The following MSR1 variants were observed in gnomAD, a reference collection of about 807,000 sequenced individuals.
MSR1 encodes the protein macrophage scavenger receptor 1.
A neutral mutation model predicts 47.2 loss-of-function variants in MSR1; 53 were observed. The ratio of observed to expected loss-of-function variants is 1.12; its 90% CI spans 0.90 to 1.41. The LOEUF (loss-of-function observed/expected upper bound fraction) is 1.41, where lower values mean the gene tolerates loss of function less well. Among genes scored for constraint, MSR1 ranks in the 40% most tolerant of loss-of-function variants. The probability of loss-of-function intolerance (pLI) is 0.00; values close to 1 mark genes in which losing one functional copy is unlikely to be tolerated. For missense variants in MSR1, 786 were observed against 546.9 expected, an observed-to-expected ratio of 1.44 and a Z score of -4.36; for synonymous variants, 239 against 185.6, an observed-to-expected ratio of 1.29 and a Z score of -2.34.
rs530311856 is a variant in MSR1, at chr8:16,178,115, T to TTA, written c.-4-124_-4-123insTA. The TTA allele has an allele frequency of 1.9e-3, 1,359 of 717,430 alleles. 13 individuals carry two copies. In the African/African-American group the frequency reaches 0.02, roughly 11 times the overall value. The allele number at this position is 717,430 out of a possible 1,614,324, so 44.4% of individuals were successfully genotyped here. On this transcript the variant is annotated intron_variant, in intron 1 of 9. Transcript: ENST00000262101. ...CTATTCAGTTTTTCTTTTTTTTTTT[T>TTA]AATTATACTTTAAGCTCTAGGGTAC...
intron 1 of MSR1, among the ~76,000 whole-genome samples, chr8:16,188,961 CACAT>C (rs1335809533): frequency 1.9e-4 from 14 of 74,654 alleles, no homozygotes; most frequent in Non-Finnish European, 2.3e-4. Context: ...TAATTCAACA[CACAT>C]ACATATATAT....
chr8:16,127,991 G>C (rs532966648), intron 8 of MSR1, among the ~76,000 whole-genome samples: 2 of 152,088 alleles, frequency 1.3e-5, no homozygotes, highest in Non-Finnish European at 2.9e-5. Flanking sequence ...ATTATCTCAT[G>C]AGACAATGTA....
intron 4 of MSR1, among the ~76,000 whole-genome samples, chr8:16,166,393 C>T (rs1449685671): frequency 6.6e-6 from 1 of 151,684 alleles, no homozygotes; most frequent in South Asian, 2.1e-4. Flanking sequence ...GAACTCCTGA[C>T]CTCGTGGTCC....
chr8:16,126,902 T>G (rs189824751), intron 8 of MSR1, among the ~76,000 whole-genome samples: 3 of 152,216 alleles, frequency 2.0e-5, no homozygotes, highest in African/African-American at 7.2e-5. Context: ...TAAATCCTCA[T>G]GGGGAGAACA....
rs560785405 is a variant in MSR1 at position 16,180,120 on chromosome 8, C to G, written c.-4-2128G>C. 2.5e-4 allele frequency among the ~76,000 whole-genome samples: 38 copies of G among 151,544 alleles called. 1 individual carries two copies. Among genetic ancestry groups the G allele is most frequent in the African/African-American group, 8.5e-4 (35 of 41,334 alleles). The stretch of plus-strand genomic sequence containing the variant: ...TCTCTCTGTCTGTCTCTCTCTCTCT[C>G]CCCTTCTCCCTCTCTCCTCTCTCTC... On this transcript the variant is annotated intron_variant, in intron 1 of 9. Coordinates refer to ENST00000262101, the MANE Select transcript of MSR1 (RefSeq NM_138715.3).
intron 1 of MSR1, among the ~76,000 whole-genome samples, chr8:16,181,135 T>A (rs751966158): frequency 9.2e-5 from 14 of 152,030 alleles, no homozygotes; most frequent in Non-Finnish European, 1.9e-4. Flanking sequence ...TAAAAAAAAC[T>A]GACATGACAA....
intron 8 of MSR1, among the ~76,000 whole-genome samples, chr8:16,131,137 C>T (rs1585144650): frequency 6.6e-6 from 1 of 152,012 alleles, no homozygotes; most frequent in Non-Finnish European, 1.5e-5. Context: ...AACTCGTCAC[C>T]ACAGCATCTG....
rs190464956 is a variant in MSR1, at chr8:16,117,315, G to A, written c.1222+3103C>T. Among the ~76,000 whole-genome samples the A allele has an allele frequency of 9.6e-3, 1,459 of 152,262 alleles. 31 individuals are homozygous for A. Among genetic ancestry groups the A allele is most frequent in the African/African-American group, 0.032 (1,329 of 41,566 alleles). On this transcript the variant is annotated intron_variant, in intron 9 of 9. Coordinates refer to ENST00000262101, the MANE Select transcript of MSR1 (RefSeq NM_138715.3). Reference sequence around the variant, plus strand: ...TTCTTATGAGAATCTAATGTCTGATGATCTGAGGTGGGGCTGCAGCCGTGA... The same window carrying A: ...TTCTTATGAGAATCTAATGTCTGATAATCTGAGGTGGGGCTGCAGCCGTGA...
chr8:16,186,329 C>G, intron 1 of MSR1: 1 of 742,396 alleles, frequency 1.3e-6, no homozygotes, highest in Non-Finnish European at 2.2e-6. Flanking sequence ...CCTTGGTGAT[C>G]TCACTAGCCT....
chr8:16,128,796 C>T (rs1275984835), intron 8 of MSR1, among the ~76,000 whole-genome samples: 1 of 151,784 alleles, frequency 6.6e-6, no homozygotes, highest in African/African-American at 2.4e-5. Context: ...TCACTTTGTC[C>T]CTAAAACACC....
chr8:16,174,720 CAG>C (rs1483235269), intron 3 of MSR1, among the ~76,000 whole-genome samples: 2 of 152,210 alleles, frequency 1.3e-5, no homozygotes, highest in South Asian at 2.1e-4. Flanking sequence ...TAAAAACTGA[CAG>C]AAATATTTTT....
At chr8:16,148,607 A>G (rs1800762512) in intron 7 of MSR1, among the ~76,000 whole-genome samples, 1 of 151,840 alleles carries the variant, frequency 6.6e-6, no homozygotes, top group South Asian at 2.1e-4. Context: ...ATGCCTGGCT[A>G]ATTTTTGTAT....
chr8:16,191,727 A>G (rs1301036687), intron 1 of MSR1, among the ~76,000 whole-genome samples: 1 of 152,110 alleles, frequency 6.6e-6, no homozygotes, highest in African/African-American at 2.4e-5. Flanking sequence ...TAAAACGGCT[A>G]ATCACTGCAT....
chr8:16,188,635 G>C (rs1469099761), intron 1 of MSR1, among the ~76,000 whole-genome samples: 1 of 151,908 alleles, frequency 6.6e-6, no homozygotes, highest in Non-Finnish European at 1.5e-5. Context: ...TGCATTAGGA[G>C]TTTGTCCTAA....
chr8:16,185,076 G>C (rs76958959), intron 1 of MSR1, among the ~76,000 whole-genome samples: 1 of 151,792 alleles, frequency 6.6e-6, no homozygotes, highest in Non-Finnish European at 1.5e-5. Flanking sequence ...ACCATGGGAA[G>C]TCTGTTTGCT....
intron 3 of MSR1, among the ~76,000 whole-genome samples, chr8:16,174,162 T>G (rs1213688919): frequency 6.6e-6 from 1 of 152,206 alleles, no homozygotes; most frequent in Non-Finnish European, 1.5e-5. Context: ...TTTTCATTAT[T>G]TCTTTCTTAG....
intron 8 of MSR1, among the ~76,000 whole-genome samples, chr8:16,141,621 G>A (rs1213762260): frequency 1.3e-5 from 2 of 152,212 alleles, no homozygotes; most frequent in African/African-American, 4.8e-5. Context: ...GCATGAGGAG[G>A]GAGGGCATGG....
Position 16,108,800 on chromosome 8 carries a change from A to T in MSR1, c.*1285T>A, listed in dbSNP as rs1375856753. 2.0e-5 allele frequency: 3 copies of T among 152,094 alleles called. No individual in the cohort carries two copies. Among genetic ancestry groups the T allele is most frequent in the Non-Finnish European group, 4.4e-5 (3 of 68,002 alleles). The allele number at this position is 152,094 out of a possible 1,614,324, so 9.4% of individuals were successfully genotyped here. A position where few individuals can be genotyped will look rare whatever the true frequency, so the allele number is the denominator to read the frequency against. The stretch of plus-strand genomic sequence containing the variant: ...GCTGTGAGTCTACCACTTGGTTATT[A>T]TGTGTGGTGAGACTTCAGAATATGA... On this transcript the variant is annotated 3_prime_UTR_variant, in exon 10 of 10. Coordinates refer to ENST00000262101, the MANE Select transcript of MSR1 (RefSeq NM_138715.3).
At chr8:16,112,298 C>T (rs970150101) in intron 9 of MSR1, among the ~76,000 whole-genome samples, 1 of 151,990 alleles carries the variant, frequency 6.6e-6, no homozygotes, top group Non-Finnish European at 1.5e-5. Context: ...TTATAATAAC[C>T]TTGTTAAATA....
Sources: allele counts gnomAD v4.1 joint callset (sites outside exome capture counted in the v4.1 genomes callset), GRCh38; gene constraint gnomAD v4.1.1; transcripts MANE v1.5; gene names NCBI Gene and HGNC (gene_info 2026-07-23, HGNC 2026-07-21).